The following ZNF358 variants were observed in gnomAD, a reference collection of about 807,000 sequenced individuals.
ZNF358 encodes zinc finger protein 358.
A neutral mutation model predicts 2.1 loss-of-function variants in ZNF358; 1 was observed. The ratio of observed to expected loss-of-function variants is 0.49; its 90% CI spans 0.17 to 2.30. The LOEUF (loss-of-function observed/expected upper bound fraction) is 2.30, where lower values mean the gene tolerates loss of function less well. ZNF358 is among the 30% of genes most tolerant of loss of function. ZNF358 has a pLI of 0.26. For missense variants in ZNF358, 665 were observed against 806.8 expected, an observed-to-expected ratio of 0.82 and a Z score of 2.13; for synonymous variants, 381 against 359.7, an observed-to-expected ratio of 1.06 and a Z score of -0.67.
rs188940050 is a variant in ZNF358 at position 7,520,606 on chromosome 19, G to A, written c.1364G>A (p.Gly455Asp). Residue 455 changes from glycine (G) to aspartate (D), a missense_variant, in exon 2 of 2, where the codon GGC (glycine) becomes GAC (aspartate). Transcript: ENST00000597229. This position sits in a 1 kb window ranked among gnomAD's most constrained non-coding sequence, Gnocchi z 6.0. Reference sequence around the variant, plus strand: ...GGCTCTGGCTTGGGCCTCAGCCCTGGCACCAGCTCTGGCCGCAACCCTGAC... The same window carrying A: ...GGCTCTGGCTTGGGCCTCAGCCCTGACACCAGCTCTGGCCGCAACCCTGAC... ...VLGSGLGLSP[G>D]TSSGRNPDPG... 1 of 1,457,510 alleles carries A rather than the reference G, an allele frequency of 6.9e-7. No individual in the cohort carries two copies. Among genetic ancestry groups the A allele is most frequent in the African/African-American group, 1.4e-5 (1 of 71,158 alleles). 90.3% of individuals were successfully genotyped at this position (1,457,510 alleles called of 1,614,324 possible). A position where few individuals can be genotyped will look rare whatever the true frequency, so the allele number is the denominator to read the frequency against.
intron 1 of ZNF358, among the ~76,000 whole-genome samples, chr19:7,518,555 G>GAA (rs3029869): frequency 0.012 from 1,653 of 136,622 alleles, 17 homozygotes; most frequent in African/African-American, 0.028. Context: ...AAGAGAGAGA[G>GAA]AGAGAAAGAA....
At chr19:7,518,545 AAG>A (rs58248587) in intron 1 of ZNF358, among the ~76,000 whole-genome samples, 65 of 109,474 alleles carry the variant, frequency 5.9e-4, no homozygotes, top group South Asian at 3.0e-3. Flanking sequence ...GAAAGAAAGA[AAG>A]AGAGAGAGAG....
Position 7,520,475 on chromosome 19 carries a change from T to G in ZNF358, c.1233T>G (p.Ala411=). The part of the protein sequence containing the change: ...AAAAAAAAAA[A]AAAAAGLGLG... ...CTGCAGCTGCCGCGGCCGCTGCAGC[T>G]GCAGCAGCGGCCGCCGGCCTGGGCC... The change falls in exon 2 of 2, where the codon GCT becomes GCG. Residue 411 remains alanine (A), a synonymous_variant. Coordinates refer to ENST00000597229, the MANE Select transcript of ZNF358 (RefSeq NM_018083.5). The surrounding 1 kb of genome is among the most constrained non-coding windows in gnomAD (Gnocchi z 6.0). 1 of 756,364 alleles carries G rather than the reference T, an allele frequency of 1.3e-6. No individual in the cohort carries two copies. Among genetic ancestry groups the G allele is most frequent in the Non-Finnish European group, 1.9e-6 (1 of 515,624 alleles). 46.9% of individuals were successfully genotyped at this position (756,364 alleles called of 1,614,324 possible). A position where few individuals can be genotyped will look rare whatever the true frequency, so the allele number is the denominator to read the frequency against.
chr19:7,515,062 G>A (rs2022317698), upstream of ZNF358, among the ~76,000 whole-genome samples: 1 of 152,128 alleles, frequency 6.6e-6, no homozygotes, highest in South Asian at 2.1e-4. Flanking sequence ...AATTGTCGTC[G>A]GTAAGAAGTG....
Position 7,520,349 on chromosome 19 carries a change from T to G in ZNF358, c.1107T>G (p.His369Gln). Residue 369 changes from histidine to glutamine, a missense_variant, in exon 2 of 2, where the codon CAT becomes CAG. Physicochemically the swap from His to Gln is conservative, Grantham distance 24. Around this residue, in one of 3 missense-constraint regions of ZNF358, gnomAD observed 210 missense variants for 350.8 expected, o/e 0.60. Transcript: ENST00000597229. This position sits in a 1 kb window ranked among gnomAD's most constrained non-coding sequence, Gnocchi z 6.0. ...SSALLQHLHV[H>Q]SGERPYRCQL... Reference sequence around the variant, plus strand: ...CGCTGCTCCAGCACCTGCACGTGCATTCGGGCGAGCGTCCCTATCGCTGTC... The same window carrying G: ...CGCTGCTCCAGCACCTGCACGTGCAGTCGGGCGAGCGTCCCTATCGCTGTC... 6.2e-7 allele frequency: 1 copy of G among 1,611,966 alleles called. No individual in the cohort carries two copies. Among genetic ancestry groups the G allele is most frequent in the South Asian group, 1.1e-5 (1 of 91,062 alleles).
At position 7,520,868 on chromosome 19, in the gene ZNF358, C is replaced by T. The variant is rs539374038; in HGVS notation, c.1626C>T (p.Gly542=). The T allele has an allele frequency of 6.2e-7, 1 of 1,614,134 alleles. No individual in the cohort carries two copies. Among genetic ancestry groups the T allele is most frequent in the East Asian group, 2.2e-5 (1 of 44,882 alleles). Residue 542 remains glycine (G), a synonymous_variant, in exon 2 of 2, where the codon GGC becomes GGT. Coordinates refer to ENST00000597229, the MANE Select transcript of ZNF358 (RefSeq NM_018083.5). This position sits in a 1 kb window ranked among gnomAD's most constrained non-coding sequence, Gnocchi z 6.0. ...SCPDPCSPTR[G]TVSPALPTGE... is the part of the protein sequence containing the mutation. ...CTGACCCCTGTTCTCCCACTCGTGG[C>T]ACTGTCAGCCCAGCCCTCCCTACCG...
Position 7,516,241 on chromosome 19 carries a change from G to C in ZNF358, c.-47G>C, listed in dbSNP as rs1002665595. On this transcript the variant is annotated 5_prime_UTR_variant, in exon 1 of 2. Transcript: ENST00000597229. The surrounding 1 kb of genome is among the most constrained non-coding windows in gnomAD (Gnocchi z 5.9). ...GCGCGGCGGGCCGGGCAGGGGCGAGGGGCGCCGGGTGAGTGTCCCTGCGAG... is the reference window on the plus strand; with the variant it reads ...GCGCGGCGGGCCGGGCAGGGGCGAGCGGCGCCGGGTGAGTGTCCCTGCGAG... 7.3e-6 allele frequency: 1 copy of C among 137,400 alleles called. No individual in the cohort carries two copies. Among genetic ancestry groups the C allele is most frequent in the Non-Finnish European group, 1.6e-5 (1 of 62,172 alleles). The allele number at this position is 137,400 out of a possible 1,614,324, so 8.5% of individuals were successfully genotyped here.
At chr19:7,515,008 C>T (rs569775086), upstream of ZNF358, among the ~76,000 whole-genome samples, 3 of 152,242 alleles carry the variant, frequency 2.0e-5, no homozygotes, top group South Asian at 6.2e-4. Context: ...CTAGGTATTT[C>T]AGTGATTTTT....
At chr19:7,517,849 A>T (rs1293847582) in intron 1 of ZNF358, among the ~76,000 whole-genome samples, 1 of 151,810 alleles carries the variant, frequency 6.6e-6, no homozygotes, top group Admixed American at 6.6e-5. Flanking sequence ...GGGATACCTG[A>T]TGTTATTTGT....
upstream of ZNF358, among the ~76,000 whole-genome samples, chr19:7,515,043 T>C (rs2022317393): frequency 6.6e-6 from 1 of 152,046 alleles, no homozygotes; most frequent in South Asian, 2.1e-4. Context: ...AGGATGGCAG[T>C]TGGGTTGGAA....
chr19:7,520,561 C>G lies in ZNF358; in HGVS notation c.1319C>G (p.Pro440Arg), dbSNP rs1297597923. 2 of 1,278,778 alleles carry G rather than the reference C, an allele frequency of 1.6e-6. No homozygotes were observed. Among genetic ancestry groups the G allele is most frequent in the Non-Finnish European group, 2.2e-6 (2 of 898,550 alleles). 79.2% of individuals were successfully genotyped at this position (1,278,778 alleles called of 1,614,324 possible). Reference protein sequence around the residue: ...MRPGQVSLLGPDAVSVLGSGL... With the variant: ...MRPGQVSLLGRDAVSVLGSGL... ...CCGGGGCAGGTCTCCCTCCTGGGTC[C>G]TGATGCTGTTTCTGTGCTCGGCTCT... Residue 440 changes from proline to arginine, a missense_variant, in exon 2 of 2, where the codon CCT (proline) becomes CGT (arginine). Physicochemically the swap from Pro to Arg is moderately radical, Grantham distance 103 (BLOSUM62 -2). Coordinates refer to ENST00000597229, the MANE Select transcript of ZNF358 (RefSeq NM_018083.5). The surrounding 1 kb of genome is among the most constrained non-coding windows in gnomAD (Gnocchi z 6.0).
rs140960216 is a variant in ZNF358, at chr19:7,520,367, T to C, written c.1125T>C (p.Tyr375=). 45 of 1,611,810 alleles carry C rather than the reference T, an allele frequency of 2.8e-5. No individual in the cohort carries two copies. The highest frequency in any genetic ancestry group is 3.6e-5 in the Non-Finnish European group (42 of 1,179,514). Residue 375 remains tyrosine, a synonymous_variant, in exon 2 of 2, where the codon TAT becomes TAC. Transcript: ENST00000597229. The surrounding 1 kb of genome is among the most constrained non-coding windows in gnomAD (Gnocchi z 6.0). ...ACGTGCATTCGGGCGAGCGTCCCTA[T>C]CGCTGTCAGCTCTGCGGGAAGGCCT... ...HLHVHSGERP[Y]RCQLCGKAFG...
At chr19:7,518,976 A>G (rs1040743151) in intron 1 of ZNF358, among the ~76,000 whole-genome samples, 5 of 142,842 alleles carry the variant, frequency 3.5e-5, no homozygotes, top group Admixed American at 7.3e-5. Flanking sequence ...GAGGCAGGAG[A>G]GTTGTTTGAA....
rs759775922 is a variant in ZNF358, at chr19:7,520,652, T to C, written c.1410T>C (p.Thr470=). ...RNPDPGSGPG[T]LPDPSSKPLP... is the part of the protein sequence containing the mutation. ...CTGACCCTGGCTCTGGGCCGGGCAC[T>C]CTGCCGGATCCCAGCTCCAAACCCC... The change falls in exon 2 of 2, where the codon ACT becomes ACC. Residue 470 remains threonine (T), a synonymous_variant. Transcript: ENST00000597229. This position sits in a 1 kb window ranked among gnomAD's most constrained non-coding sequence, Gnocchi z 6.0. The C allele has an allele frequency of 6.3e-7, 1 of 1,591,250 alleles. No individual in the cohort carries two copies. The highest frequency in any genetic ancestry group is 8.6e-7 in the Non-Finnish European group (1 of 1,166,856).
Position 7,516,360 on chromosome 19 carries a change from C to T in ZNF358, c.-39+111C>T, listed in dbSNP as rs1268418269. The T allele has an allele frequency of 6.6e-6, 1 of 150,788 alleles. No homozygotes were observed. The highest frequency in any genetic ancestry group is 3.5e-3 in the Middle Eastern group (1 of 288). The allele number at this position is 150,788 out of a possible 1,614,324, so 9.3% of individuals were successfully genotyped here. ...AGCCCGGGGCGACCTCTAATCGTCC[C>T]CCGCCCTGCGCGCCGCCGGCCCTGG... On this transcript the variant is annotated intron_variant, in intron 1 of 1. Coordinates refer to ENST00000597229, the MANE Select transcript of ZNF358 (RefSeq NM_018083.5). The surrounding 1 kb of genome is among the most constrained non-coding windows in gnomAD (Gnocchi z 5.9).
At chr19:7,517,323 G>A (rs1156462624) in intron 1 of ZNF358, among the ~76,000 whole-genome samples, 1 of 152,194 alleles carries the variant, frequency 6.6e-6, no homozygotes, top group African/African-American at 2.4e-5. Context: ...AGCCATGGGA[G>A]GAGATGACTC....
rs1374414026 is a variant in ZNF358 at position 7,519,685 on chromosome 19, C to T, written c.443C>T (p.Pro148Leu). 1.9e-6 allele frequency: 3 copies of T among 1,587,572 alleles called. No individual in the cohort carries two copies. In the African/African-American group the frequency reaches 4.0e-5, roughly 21 times the overall value. ...PAVLPAPASP[P>L]RPFSCPDCGR... The stretch of plus-strand genomic sequence containing the variant: ...GTGCTCCCCGCCCCCGCCAGCCCGC[C>T]CCGGCCCTTCTCCTGCCCGGATTGC... Residue 148 changes from proline to leucine, a missense_variant, in exon 2 of 2, where the codon CCC becomes CTC. Physicochemically the swap from Pro to Leu is moderately conservative, Grantham distance 98. This residue lies in a region of ZNF358 where 206 missense variants were observed against 228.4 expected (regional missense o/e 0.90). Coordinates refer to ENST00000597229, the MANE Select transcript of ZNF358 (RefSeq NM_018083.5).
upstream of ZNF358, among the ~76,000 whole-genome samples, chr19:7,514,655 C>T (rs112544030): frequency 0.035 from 5,344 of 152,232 alleles, 308 homozygotes; most frequent in African/African-American, 0.12. Context: ...GTTTTTGAGA[C>T]GGAGTCTCGC....
At position 7,516,908 on chromosome 19, in the gene ZNF358, CCCCTGATGCAGGAGGGGT is replaced by C. The variant is rs1223790953; in HGVS notation, c.-39+663_-39+680del. ...TGGAGGCAATCTAAGGGTTCCTCTG[CCCCTGATGCAGGAGGGGT>C]CCCAGGTCTTGTTTCCCCCACTCTC... On this transcript the variant is annotated intron_variant, in intron 1 of 1. Coordinates refer to ENST00000597229, the MANE Select transcript of ZNF358 (RefSeq NM_018083.5). This position sits in a 1 kb window ranked among gnomAD's most constrained non-coding sequence, Gnocchi z 5.9. Among the ~76,000 whole-genome samples, 2 of 152,290 alleles carry C rather than the reference CCCCTGATGCAGGAGGGGT, an allele frequency of 1.3e-5. No homozygotes were observed. Among genetic ancestry groups the C allele is most frequent in the East Asian group, 3.9e-4 (2 of 5,178 alleles).
Sources: gnomAD v4.1 joint callset for allele counts (sites outside exome capture counted in the v4.1 genomes callset) on GRCh38, gnomAD v4.1.1 for gene constraint, gnomAD v4.1.1 regional missense constraint, Gnocchi (gnomAD v3.1) non-coding constraint, MANE v1.5 for transcripts, NCBI Gene and HGNC (gene_info 2026-07-23, HGNC 2026-07-21) for gene names.